Variants in DAB1 observed in about 807,000 individuals in gnomAD.
The protein encoded by DAB1 is DAB adaptor protein 1, also known as disabled homolog 1.
Under a neutral mutation model 64.6 loss-of-function variants are expected in DAB1, and 15 were observed. The observed-to-expected ratio is 0.23, with a 90% CI of 0.16 to 0.36. The LOEUF (loss-of-function observed/expected upper bound fraction) is 0.36. Ranked by LOEUF, DAB1 falls within the 10% of genes least tolerant of loss-of-function variation. The probability of loss-of-function intolerance (pLI) is 1.00; values close to 1 mark genes in which losing one functional copy is unlikely to be tolerated. For synonymous variants in DAB1, 235 were observed against 251.9 expected (o/e 0.93, Z 0.64); for missense variants, 596 against 706.7 (o/e 0.84, Z 1.78).
chr1:57,173,261 G>T (rs1297885423), intron 2 of DAB1, among the ~76,000 whole-genome samples: 1 of 152,102 alleles, frequency 6.6e-6, no homozygotes. Context: ...AAAAATGGAG[G>T]TTGAGCATCC....
At chr1:57,316,304 G>T (rs980764783) in intron 1 of DAB1, among the ~76,000 whole-genome samples, 4 of 152,184 alleles carry the variant, frequency 2.6e-5, no homozygotes, top group African/African-American at 9.7e-5. Context: ...TCAAATCTTA[G>T]ATCTATACAA....
chr1:58,132,508 A>G (rs1048087373), intron 5 of DAB1, among the ~76,000 whole-genome samples: 2 of 152,076 alleles, frequency 1.3e-5, no homozygotes, highest in Non-Finnish European at 2.9e-5. Flanking sequence ...TTTTCAAAAC[A>G]TCAGTCTTAA....
chr1:57,467,809 A>T (rs1687004508), intron 7 of DAB1, among the ~76,000 whole-genome samples: 1 of 152,214 alleles, frequency 6.6e-6, no homozygotes, highest in Admixed American at 6.5e-5. Context: ...GAACTGTAAG[A>T]TCATGTTACT....
chr1:57,852,660 C>A (rs931296410), intron 1 of DAB1, among the ~76,000 whole-genome samples: 3 of 152,070 alleles, frequency 2.0e-5, no homozygotes, highest in Non-Finnish European at 2.9e-5. Flanking sequence ...TCCAGGTCAA[C>A]CCTCAGTCCC....
intron 3 of DAB1, among the ~76,000 whole-genome samples, chr1:58,463,987 T>C (rs1208031638): frequency 6.6e-6 from 1 of 152,150 alleles, no homozygotes; most frequent in Admixed American, 6.5e-5. Context: ...TCCAAGCAAA[T>C]GGATCTTGCA....
rs536685111 is a variant in DAB1, at chr1:57,622,897, T to A, written n.625+26695A>T. On this transcript the variant is annotated intron_variant and non_coding_transcript_variant, in intron 7 of 20. Transcript: ENST00000485760. ...TACTCCTTAGTTTAGGCCATGAGGA[T>A]CCTACAAGGTCCTCCTAAGGCCAGC... Among the ~76,000 whole-genome samples, 7 of 152,300 alleles carry A rather than the reference T, an allele frequency of 4.6e-5. No individual in the cohort carries two copies. The South Asian group carries it at 1.0e-3, about 23-fold the overall frequency.
At chr1:57,743,690 G>A (rs1351209257) in intron 6 of DAB1, among the ~76,000 whole-genome samples, 2 of 152,144 alleles carry the variant, frequency 1.3e-5, no homozygotes, top group South Asian at 2.1e-4. Flanking sequence ...AGAGCAGCTC[G>A]GTCCAGGAGA....
At chr1:57,381,020 A>C (rs1570411237) in intron 1 of DAB1, among the ~76,000 whole-genome samples, 1 of 152,252 alleles carries the variant, frequency 6.6e-6, no homozygotes, top group East Asian at 1.9e-4. Flanking sequence ...AGAAGGAGTA[A>C]GGAGACAGAA....
In DAB1 at chr1:58,473,550, AAAT is replaced by A. The variant is rs1342085548; in HGVS notation, n.257+32507_257+32509del. ...GAGCAAGACTCCGTCTCAAAAAAAT[AAAT>A]AAATAAATAAATAAATAAATAAATA... On this transcript the variant is annotated intron_variant and non_coding_transcript_variant, in intron 3 of 20. Coordinates refer to the DAB1 transcript ENST00000485760. 5.9e-3 allele frequency among the ~76,000 whole-genome samples: 638 copies of A among 108,218 alleles called. 6 individuals carry two copies. The highest frequency in any genetic ancestry group is 8.5e-3 in the Middle Eastern group (2 of 236). 71.0% of individuals were successfully genotyped at this position (108,218 alleles called of 152,430 possible).
At chr1:58,427,038 A>G (rs1211461789) in intron 3 of DAB1, among the ~76,000 whole-genome samples, 2 of 152,196 alleles carry the variant, frequency 1.3e-5, no homozygotes, top group African/African-American at 4.8e-5. Flanking sequence ...CTCTGAATTG[A>G]GCACGTGCCA....
chr1:57,898,632 C>G (rs183119205), intron 5 of DAB1, among the ~76,000 whole-genome samples: 2 of 152,266 alleles, frequency 1.3e-5, no homozygotes, highest in Admixed American at 1.3e-4. Flanking sequence ...CACCAAAGCT[C>G]TCTTGCCTGG....
intron 1 of DAB1, among the ~76,000 whole-genome samples, chr1:57,365,281 A>G (rs1679895467): frequency 7.0e-6 from 1 of 141,918 alleles, no homozygotes; most frequent in African/African-American, 2.6e-5. Context: ...ATAAATATAT[A>G]TTTATATATT....
chr1:57,301,304 C>T (rs1436425354), intron 1 of DAB1, among the ~76,000 whole-genome samples: 1 of 152,154 alleles, frequency 6.6e-6, no homozygotes, highest in Non-Finnish European at 1.5e-5. Context: ...ACCTCAGGTG[C>T]TCATCACATC....
At chr1:57,258,012 T>A (rs1378365420) in intron 2 of DAB1, among the ~76,000 whole-genome samples, 1 of 152,234 alleles carries the variant, frequency 6.6e-6, no homozygotes, top group Non-Finnish European at 1.5e-5. Context: ...TTCTGGGGAT[T>A]AGAATAGGAA....
chr1:57,167,707 C>G (rs1661337140), intron 2 of DAB1, among the ~76,000 whole-genome samples: 1 of 152,198 alleles, frequency 6.6e-6, no homozygotes, highest in Admixed American at 6.5e-5. Flanking sequence ...TTTTCCCACT[C>G]AAGGCTCAGT....
chr1:57,601,338 C>G (rs753479473), intron 7 of DAB1, among the ~76,000 whole-genome samples: 74 of 152,126 alleles, frequency 4.9e-4, no homozygotes, highest in Non-Finnish European at 8.8e-4. Context: ...CTTTGGGAGG[C>G]CAAGGCAGGC....
chr1:58,374,099 G>A (rs1242044978), intron 3 of DAB1, among the ~76,000 whole-genome samples: 3 of 63,386 alleles, frequency 4.7e-5, no homozygotes, highest in Middle Eastern at 6.9e-3. Context: ...AGATGAGTAG[G>A]TTGCAAAAAT....
chr1:57,853,175 T>C (rs937169588), intron 1 of DAB1, among the ~76,000 whole-genome samples: 2 of 151,744 alleles, frequency 1.3e-5, no homozygotes, highest in African/African-American at 4.8e-5. Flanking sequence ...GTGGTTAGGA[T>C]GATGCATTAA....
intron 5 of DAB1, among the ~76,000 whole-genome samples, chr1:57,893,918 A>G (rs1441791129): frequency 6.6e-6 from 1 of 152,114 alleles, no homozygotes; most frequent in Admixed American, 6.6e-5. Context: ...AAGAGGCAAA[A>G]TGGCAGCGTT....
Sources: allele counts gnomAD v4.1 joint callset (sites outside exome capture counted in the v4.1 genomes callset), GRCh38; gene constraint gnomAD v4.1.1; transcripts MANE v1.5; gene names NCBI Gene and HGNC (gene_info 2026-07-23, HGNC 2026-07-21).